Variants in WDR41 observed in about 807,000 individuals in gnomAD.
WDR41 encodes the protein WD repeat-containing protein 41.
In WDR41, 63 loss-of-function variants were observed where a neutral mutation model predicts 69.3. The ratio of observed to expected loss-of-function variants is 0.91; its 90% confidence interval spans 0.74 to 1.12. The LOEUF (loss-of-function observed/expected upper bound fraction) is 1.12, where lower values mean the gene tolerates loss of function less well. WDR41 is among the 50% of genes most tolerant of loss of function. WDR41 has a pLI of 0.00. For synonymous variants in WDR41, 185 were observed against 192.1 expected (o/e 0.96, Z 0.31); for missense variants, 543 against 534.5 (o/e 1.02, Z -0.16).
intron 1 of WDR41, among the ~76,000 whole-genome samples, chr5:77,542,902 T>C (rs1743118956): frequency 6.6e-6 from 1 of 152,178 alleles, no homozygotes; most frequent in South Asian, 2.1e-4. Context: ...GGATTGCTTT[T>C]GCAGGACTCA....
intron 1 of WDR41, among the ~76,000 whole-genome samples, chr5:77,600,136 A>T (rs1288807534): frequency 2.0e-5 from 3 of 152,228 alleles, no homozygotes; most frequent in Admixed American, 6.5e-5. Flanking sequence ...CATAGGTCAA[A>T]CATGGGTTTG....
intron 1 of WDR41, among the ~76,000 whole-genome samples, chr5:77,584,496 C>T (rs1225983606): frequency 6.6e-6 from 1 of 152,008 alleles, no homozygotes; most frequent in Non-Finnish European, 1.5e-5. Context: ...AAGAATAAAG[C>T]ACTAAATTTA....
At chr5:77,433,777 C>A (rs1008624128) in intron 12 of WDR41, among the ~76,000 whole-genome samples, 1 of 152,060 alleles carries the variant, frequency 6.6e-6, no homozygotes, top group Non-Finnish European at 1.5e-5. Context: ...AATAAAGGTA[C>A]CAATGAGAGA....
At chr5:77,556,557 G>T (rs371654528) in intron 1 of WDR41, among the ~76,000 whole-genome samples, 13 of 152,220 alleles carry the variant, frequency 8.5e-5, no homozygotes, top group East Asian at 7.7e-4. Flanking sequence ...ACAGGCACGC[G>T]CCACCACACC....
intron 1 of WDR41, among the ~76,000 whole-genome samples, chr5:77,526,907 C>T (rs1802458421): frequency 6.6e-6 from 1 of 152,022 alleles, no homozygotes; most frequent in Non-Finnish European, 1.5e-5. Flanking sequence ...CTTTCTTAGC[C>T]AGTGCTTCCA....
intron 1 of WDR41, among the ~76,000 whole-genome samples, chr5:77,530,171 C>T (rs1802506918): frequency 6.6e-6 from 1 of 151,586 alleles, no homozygotes; most frequent in South Asian, 2.1e-4. Flanking sequence ...AGACCACCAA[C>T]CTCAAATATT....
At chr5:77,472,022 C>A (rs1800644277) in intron 2 of WDR41, among the ~76,000 whole-genome samples, 2 of 152,168 alleles carry the variant, frequency 1.3e-5, no homozygotes, top group Non-Finnish European at 2.9e-5. Flanking sequence ...CAGAAATCCT[C>A]AGTAAAATAC....
chr5:77,476,990 A>C (rs1386704370), intron 2 of WDR41, among the ~76,000 whole-genome samples: 2 of 148,752 alleles, frequency 1.3e-5, no homozygotes, highest in Admixed American at 1.3e-4. Context: ...TCTACCAAGC[A>C]AATGGAAAAC....
intron 12 of WDR41, among the ~76,000 whole-genome samples, chr5:77,433,830 T>G (rs1798826871): frequency 6.6e-6 from 1 of 152,152 alleles, no homozygotes; most frequent in African/African-American, 2.4e-5. Context: ...GACTATGACA[T>G]GTCACAGAAA....
chr5:77,612,284 T>A (rs1002697055), intron 1 of WDR41, among the ~76,000 whole-genome samples: 1 of 152,206 alleles, frequency 6.6e-6, no homozygotes, highest in African/African-American at 2.4e-5. Context: ...CCTTCCTAAC[T>A]AATTTTATGA....
intron 1 of WDR41, among the ~76,000 whole-genome samples, chr5:77,572,658 G>A (rs928626014): frequency 6.6e-6 from 1 of 152,160 alleles, no homozygotes; most frequent in African/African-American, 2.4e-5. Context: ...GTCATCCAAT[G>A]TACTGAAAAG....
intron 6 of WDR41, chr5:77,452,297 G>A (rs1799658613): frequency 6.6e-6 from 1 of 152,220 alleles, no homozygotes. Flanking sequence ...GAACAGCAGG[G>A]TGGATAGCAA....
chr5:77,448,147 T>A (rs1300971235), intron 8 of WDR41, among the ~76,000 whole-genome samples: 1 of 152,158 alleles, frequency 6.6e-6, no homozygotes, highest in Non-Finnish European at 1.5e-5. Flanking sequence ...AGTGCTTCAC[T>A]GCTAAAACAA....
chr5:77,577,341 A>G (rs553629924), intron 1 of WDR41, among the ~76,000 whole-genome samples: 11 of 152,034 alleles, frequency 7.2e-5, no homozygotes, highest in African/African-American at 2.7e-4. Flanking sequence ...GAAAAGAAAA[A>G]TGGGCAAAGG....
At chr5:77,540,692 G>T (rs1040079628) in intron 1 of WDR41, among the ~76,000 whole-genome samples, 1 of 130,766 alleles carries the variant, frequency 7.6e-6, no homozygotes, top group Non-Finnish European at 1.6e-5. Context: ...GGGTGACAGA[G>T]CAAGACCCTG....
chr5:77,474,401 C>A (rs575632788), intron 2 of WDR41, among the ~76,000 whole-genome samples: 1 of 151,932 alleles, frequency 6.6e-6, no homozygotes, highest in Non-Finnish European at 1.5e-5. Flanking sequence ...CTAACCTGCA[C>A]ATTGTGCACA....
At chr5:77,609,582 C>T (rs371625563) in intron 1 of WDR41, among the ~76,000 whole-genome samples, 1 of 152,330 alleles carries the variant, frequency 6.6e-6, no homozygotes, top group South Asian at 2.1e-4. Context: ...TCCAACAGAC[C>T]TACAGCTGAC....
chr5:77,582,001 G>A (rs973058264), intron 1 of WDR41, among the ~76,000 whole-genome samples: 5 of 150,342 alleles, frequency 3.3e-5, no homozygotes, highest in Admixed American at 6.7e-5. Flanking sequence ...TTAGAGGAAA[G>A]ATAAATGAAA....
intron 9 of WDR41, among the ~76,000 whole-genome samples, chr5:77,440,144 C>T (rs540774550): frequency 6.6e-6 from 1 of 152,130 alleles, no homozygotes; most frequent in Non-Finnish European, 1.5e-5. Context: ...TAGAAAGTCA[C>T]AAAATAGAGA....
Sources: gnomAD v4.1 joint callset for allele counts (sites outside exome capture counted in the v4.1 genomes callset) on GRCh38, gnomAD v4.1.1 for gene constraint, MANE v1.5 for transcripts, NCBI Gene and HGNC (gene_info 2026-07-23, HGNC 2026-07-21) for gene names.